Variants in CSMD1 observed in about 807,000 individuals in gnomAD.
The protein encoded by CSMD1 is CUB and sushi domain-containing protein 1.
A neutral mutation model predicts 417.5 loss-of-function variants in CSMD1; 213 were observed. The observed-to-expected ratio is 0.51, with a 90% CI of 0.46 to 0.57. CSMD1 has a LOEUF of 0.57. Among genes scored for constraint, CSMD1 ranks in the 20% least tolerant of loss-of-function variants. CSMD1 has a pLI of 0.00. For synonymous variants in CSMD1, 2,862 were observed against 1,736.8 expected, an observed-to-expected ratio of 1.65 and a Z score of -16.11; for missense variants, 6,923 against 4,529.7, an observed-to-expected ratio of 1.53 and a Z score of -15.17.
chr8:3,022,227 ACACCCGCAATCCCACAGCATCTGGAATG>A (rs1809488144), intron 51 of CSMD1, among the ~76,000 whole-genome samples: 1 of 101,914 alleles, frequency 9.8e-6, no homozygotes, highest in Non-Finnish European at 2.0e-5. Flanking sequence ...CATCCGGAAT[ACACCCGCAATCCCACAGCATCTGGAATG>A]CACCCGCAAT....
intron 3 of CSMD1, among the ~76,000 whole-genome samples, chr8:4,271,264 G>T (rs1164255952): frequency 6.6e-6 from 1 of 152,164 alleles, no homozygotes; most frequent in Non-Finnish European, 1.5e-5. Context: ...GGACCATGAA[G>T]CTGTAGGGGT....
chr8:4,169,482 G>A (rs888325274), intron 3 of CSMD1, among the ~76,000 whole-genome samples: 3 of 152,036 alleles, frequency 2.0e-5, no homozygotes, highest in South Asian at 2.1e-4. Context: ...ACTCAATTCT[G>A]ACCACCTCTA....
intron 2 of CSMD1, among the ~76,000 whole-genome samples, chr8:4,614,429 A>C (rs1419392135): frequency 6.6e-6 from 1 of 152,208 alleles, no homozygotes; most frequent in Non-Finnish European, 1.5e-5. Context: ...GCACCTAAAT[A>C]AGCCTCTAAC....
At chr8:3,134,132 A>T (rs573414463) in intron 41 of CSMD1, among the ~76,000 whole-genome samples, 1 of 152,274 alleles carries the variant, frequency 6.6e-6, no homozygotes, top group South Asian at 2.1e-4. Context: ...AGAGTGTATC[A>T]CTGCACTCCA....
chr8:4,592,559 G>A (rs1440616209), intron 2 of CSMD1, among the ~76,000 whole-genome samples: 3 of 151,902 alleles, frequency 2.0e-5, no homozygotes, highest in Admixed American at 6.6e-5. Flanking sequence ...GCTAATTTTT[G>A]TATTTTTAGT....
chr8:3,313,800 T>G (rs1320218983), intron 23 of CSMD1, among the ~76,000 whole-genome samples: 2 of 152,282 alleles, frequency 1.3e-5, no homozygotes, highest in South Asian at 2.1e-4. Flanking sequence ...AAATCATGCT[T>G]CTATAAGGAA....
chr8:4,712,084 A>G (rs1164320068), intron 1 of CSMD1, among the ~76,000 whole-genome samples: 1 of 152,194 alleles, frequency 6.6e-6, no homozygotes, highest in Non-Finnish European at 1.5e-5. Flanking sequence ...CATGAAGAAG[A>G]AATTAGGCAA....
chr8:4,721,178 C>A (rs118001605), intron 1 of CSMD1, among the ~76,000 whole-genome samples: 2,147 of 152,252 alleles, frequency 0.014, 22 homozygotes, highest in Admixed American at 0.021. Flanking sequence ...TAAACTATTG[C>A]GATCCATATA....
At chr8:4,620,078 C>G (rs994178964) in intron 2 of CSMD1, among the ~76,000 whole-genome samples, 1 of 151,826 alleles carries the variant, frequency 6.6e-6, no homozygotes, top group Admixed American at 6.6e-5. Context: ...ACAATAAATA[C>G]TGCTATAATA....
At chr8:2,959,120 T>C (rs1408129540) in intron 62 of CSMD1, among the ~76,000 whole-genome samples, 5 of 152,208 alleles carry the variant, frequency 3.3e-5, no homozygotes, top group African/African-American at 1.2e-4. Context: ...ATTTAAACTT[T>C]AGAGTCAGGG....
intron 1 of CSMD1, among the ~76,000 whole-genome samples, chr8:4,716,188 G>A (rs758591615): frequency 3.3e-5 from 5 of 152,128 alleles, no homozygotes; most frequent in Non-Finnish European, 7.3e-5. Flanking sequence ...CTGAGCAGGC[G>A]CCACCCAATG....
intron 2 of CSMD1, among the ~76,000 whole-genome samples, chr8:4,507,705 G>A (rs1392557008): frequency 2.0e-5 from 3 of 152,122 alleles, no homozygotes; most frequent in African/African-American, 4.8e-5. Flanking sequence ...CCAGGCTGAA[G>A]AGAAAATGAC....
chr8:3,089,857 C>T (rs1291788089), intron 48 of CSMD1, among the ~76,000 whole-genome samples: 1 of 151,978 alleles, frequency 6.6e-6, no homozygotes, highest in Non-Finnish European at 1.5e-5. Context: ...AATAAAATAC[C>T]TTTTGAAAGA....
At chr8:4,234,235 A>T (rs1337461391) in intron 3 of CSMD1, among the ~76,000 whole-genome samples, 1 of 152,214 alleles carries the variant, frequency 6.6e-6, no homozygotes, top group Non-Finnish European at 1.5e-5. Flanking sequence ...GGCTGCCACC[A>T]GACTAAAGCA....
intron 3 of CSMD1, among the ~76,000 whole-genome samples, chr8:4,088,852 G>C (rs1048403052): frequency 6.6e-6 from 1 of 152,042 alleles, no homozygotes; most frequent in Non-Finnish European, 1.5e-5. Context: ...TAGTCTCCTG[G>C]TTTCCATGAC....
chr8:3,056,293 A>T (rs534555741), intron 49 of CSMD1, among the ~76,000 whole-genome samples: 1 of 152,178 alleles, frequency 6.6e-6, no homozygotes, highest in South Asian at 2.1e-4. Context: ...CCCACATGGG[A>T]TTTCTTCTTT....
At chr8:3,941,848 G>C (rs547875683) in intron 5 of CSMD1, among the ~76,000 whole-genome samples, 2 of 152,172 alleles carry the variant, frequency 1.3e-5, no homozygotes. Flanking sequence ...TAAACCAAAA[G>C]GGTCCCCAAC....
At chr8:3,157,157 G>T (rs973781022) in intron 39 of CSMD1, among the ~76,000 whole-genome samples, 2 of 152,200 alleles carry the variant, frequency 1.3e-5, no homozygotes, top group East Asian at 1.9e-4. Context: ...AAGGTTGAAT[G>T]GTTGCCTGAG....
At chr8:3,622,960 T>G (rs1307792992) in intron 7 of CSMD1, among the ~76,000 whole-genome samples, 1 of 152,212 alleles carries the variant, frequency 6.6e-6, no homozygotes, top group African/African-American at 2.4e-5. Flanking sequence ...TTTTGTTGAA[T>G]TATATCTTTT....
Sources: gnomAD v4.1 joint callset for allele counts (sites outside exome capture counted in the v4.1 genomes callset) on GRCh38, gnomAD v4.1.1 for gene constraint, MANE v1.5 for transcripts, NCBI Gene and HGNC (gene_info 2026-07-23, HGNC 2026-07-21) for gene names.